Variants in EYA4 observed in about 807,000 individuals in gnomAD.
EYA4 encodes the protein EYA transcriptional coactivator and phosphatase 4.
EYA4 carries 31 observed loss-of-function variants against 87.9 expected under a neutral mutation model. The ratio of observed to expected loss-of-function variants is 0.35; its 90% CI spans 0.27 to 0.48. EYA4 has a LOEUF of 0.48. Ranked by LOEUF, EYA4 falls within the 20% of genes least tolerant of loss-of-function variation. The pLI is 0.99. For synonymous variants in EYA4, 263 were observed against 270.6 expected (o/e 0.97, Z 0.28); for missense variants, 678 against 761.4 (o/e 0.89, Z 1.29).
intron 18 of EYA4, 183 bp from the exon 19 acceptor site, chr6:133,524,971 A>T: frequency 6.7e-7 from 1 of 1,496,584 alleles, no homozygotes; most frequent in Non-Finnish European, 9.3e-7. Flanking sequence ...CTTTAGGTTA[A>T]TGAATGCAGT....
chr6:133,433,887 C>T (rs542710921), intron 3 of EYA4, among the ~76,000 whole-genome samples: 75 of 152,324 alleles, frequency 4.9e-4, no homozygotes, highest in African/African-American at 1.6e-3. Context: ...ACAGGGCTCT[C>T]AAGCATCACA....
intron 16 of EYA4, among the ~76,000 whole-genome samples, chr6:133,514,958 A>G (rs1799459409): frequency 2.0e-5 from 3 of 152,178 alleles, no homozygotes; most frequent in South Asian, 2.1e-4. Context: ...GTGAAGCCCA[A>G]CTATTCCTCC....
chr6:133,458,514 A>T (rs1445740247), intron 6 of EYA4, among the ~76,000 whole-genome samples: 1 of 152,122 alleles, frequency 6.6e-6, no homozygotes, highest in Non-Finnish European at 1.5e-5. Flanking sequence ...CAGGGCAGGG[A>T]TTATCAACAT....
At chr6:133,447,619 A>C (rs545650491) in intron 4 of EYA4, among the ~76,000 whole-genome samples, 1 of 152,208 alleles carries the variant, frequency 6.6e-6, no homozygotes, top group South Asian at 2.1e-4. Context: ...AAATTGATAC[A>C]CCTCTTCCCA....
chr6:133,421,442 G>A (rs904932248), intron 3 of EYA4, among the ~76,000 whole-genome samples: 1 of 152,198 alleles, frequency 6.6e-6, no homozygotes, highest in African/African-American at 2.4e-5. Flanking sequence ...GGCGAGCCAC[G>A]ATGTTTTGAA....
At chr6:133,419,358 C>G (rs1790025177) in intron 3 of EYA4, among the ~76,000 whole-genome samples, 1 of 152,068 alleles carries the variant, frequency 6.6e-6, no homozygotes, top group Non-Finnish European at 1.5e-5. Context: ...TTTCCTTGTC[C>G]TTCACAAGAT....
chr6:133,331,638 C>T (rs1157127992), intron 2 of EYA4, among the ~76,000 whole-genome samples: 1 of 152,188 alleles, frequency 6.6e-6, no homozygotes, highest in Non-Finnish European at 1.5e-5. Context: ...GCTTTTTATA[C>T]AGCCATGCTG....
Position 133,275,728 on chromosome 6 carries a change from G to A in EYA4, c.33+915G>A, listed in dbSNP as rs1193210626. Among the ~76,000 whole-genome samples, 3 of 152,080 alleles carry A rather than the reference G, an allele frequency of 2.0e-5. No homozygotes were observed. The South Asian group carries it at 6.2e-4, about 32-fold the overall frequency. On this transcript the variant is annotated intron_variant, in intron 2 of 19. Transcript: ENST00000355286. ...GATGTATATTCTGGTGCCATTTGAA[G>A]TTGATTTGATTTGCTTTCTAGTGGA...
intron 2 of EYA4, among the ~76,000 whole-genome samples, chr6:133,300,538 T>A (rs903856932): frequency 6.6e-6 from 1 of 152,030 alleles, no homozygotes; most frequent in African/African-American, 2.4e-5. Flanking sequence ...TTATTAGAGA[T>A]GGAGTCTTGC....
Position 133,360,273 on chromosome 6 carries a change from T to C in EYA4, c.34-22119T>C, listed in dbSNP as rs566736620. On this transcript the variant is annotated intron_variant, in intron 2 of 19. Coordinates refer to ENST00000355286, the MANE Select transcript of EYA4 (RefSeq NM_004100.5). ...TTAGTATCAAATAGGATAATTTCAG[T>C]GTTACGGCTTAGTAGGCTAGGAGTC... 2.6e-5 allele frequency: 4 copies of C among 152,356 alleles called. No homozygotes were observed. The South Asian group carries it at 8.3e-4, about 32-fold the overall frequency. The allele number at this position is 152,356 out of a possible 1,614,324, so 9.4% of individuals were successfully genotyped here.
chr6:133,363,640 A>AT (rs5880177), intron 2 of EYA4, among the ~76,000 whole-genome samples: 86,193 of 151,186 alleles, frequency 0.57, 24,764 homozygotes, highest in Middle Eastern at 0.66. Context: ...ACGCCTGGCT[A>AT]TTTTTTTTGT....
intron 3 of EYA4, among the ~76,000 whole-genome samples, chr6:133,421,161 G>A (rs891460995): frequency 2.6e-5 from 4 of 152,164 alleles, no homozygotes; most frequent in African/African-American, 9.7e-5. Flanking sequence ...GAGATGTGAG[G>A]TGTCTACCTT....
chr6:133,328,733 T>C (rs1454855392), intron 2 of EYA4, among the ~76,000 whole-genome samples: 1 of 152,086 alleles, frequency 6.6e-6, no homozygotes, highest in Non-Finnish European at 1.5e-5. Context: ...CAGACAAATG[T>C]ATATATAAAG....
In EYA4 at chr6:133,506,158, A is replaced by G. The variant is rs765095681; in HGVS notation, c.1244A>G (p.Asn415Ser). The change falls in exon 14 of 20, where the codon AAT becomes AGT. Residue 415 changes from asparagine to serine, a missense_variant. Transcript: ENST00000355286. ...CTCCGCATGGAAGAAATGATTTTTA[A>G]TCTTGCTGATACTCATTTGTTTTTT... ...LGLRMEEMIFNLADTHLFFND... is the reference protein window; with the variant it reads ...LGLRMEEMIFSLADTHLFFND... 4 of 1,610,490 alleles carry G rather than the reference A, an allele frequency of 2.5e-6. No individual in the cohort carries two copies. The highest frequency in any genetic ancestry group is 3.4e-6 in the Non-Finnish European group (4 of 1,176,836).
chr6:133,319,168 A>G (rs1171718933), intron 2 of EYA4, among the ~76,000 whole-genome samples: 3 of 152,232 alleles, frequency 2.0e-5, no homozygotes, highest in East Asian at 1.9e-4. Flanking sequence ...CTTCACTGCT[A>G]TAAGAGAAGA....
rs544683955 is a variant in EYA4, at chr6:133,348,369, G to T, written c.34-34023G>T. 2.0e-5 allele frequency among the ~76,000 whole-genome samples: 3 copies of T among 147,874 alleles called. 1 individual carries two copies. In the South Asian group the frequency reaches 6.5e-4, roughly 32 times the overall value. ...GCTCACTGCAACCTCCACCTCCCGGGTTCAAGCAGTCCTCTTGCTTCAGCC... is the reference window on the plus strand; with the variant it reads ...GCTCACTGCAACCTCCACCTCCCGGTTTCAAGCAGTCCTCTTGCTTCAGCC... On this transcript the variant is annotated intron_variant, in intron 2 of 19. Transcript: ENST00000355286.
intron 2 of EYA4, among the ~76,000 whole-genome samples, chr6:133,337,510 T>G (rs1207066128): frequency 6.6e-6 from 1 of 152,140 alleles, no homozygotes; most frequent in Non-Finnish European, 1.5e-5. Context: ...GGAAGAAAGA[T>G]CCAAGATTTG....
At chr6:133,283,652 G>A (rs1229265994) in intron 2 of EYA4, among the ~76,000 whole-genome samples, 1 of 152,140 alleles carries the variant, frequency 6.6e-6, no homozygotes, top group Non-Finnish European at 1.5e-5. Flanking sequence ...AACTCACATA[G>A]TCTTTATTCC....
chr6:133,474,832 G>GGACTT (rs1309731682), intron 11 of EYA4, among the ~76,000 whole-genome samples: 1 of 152,104 alleles, frequency 6.6e-6, no homozygotes, highest in Non-Finnish European at 1.5e-5. Flanking sequence ...TCTGCATTTT[G>GGACTT]GACTTAAAGT....
Sources: gnomAD v4.1 joint callset for allele counts (sites outside exome capture counted in the v4.1 genomes callset) on GRCh38, gnomAD v4.1.1 for gene constraint, MANE v1.5 for transcripts, NCBI Gene and HGNC (gene_info 2026-07-23, HGNC 2026-07-21) for gene names.